RAB11FIP1: variants seen among roughly 807,000 people sequenced by gnomAD.
The protein encoded by RAB11FIP1 is RAB11 family interacting protein 1.
In RAB11FIP1, 49 loss-of-function variants were observed where a neutral mutation model predicts 83.1. The ratio of observed to expected loss-of-function variants is 0.59; its 90% confidence interval spans 0.47 to 0.75. The LOEUF (loss-of-function observed/expected upper bound fraction) is 0.75. RAB11FIP1 is among the 30% of genes least tolerant of loss of function. RAB11FIP1 has a pLI of 0.00. For synonymous variants in RAB11FIP1, 670 were observed against 656.0 expected (o/e 1.02, Z -0.33); for missense variants, 1,536 against 1,598.7 (o/e 0.96, Z 0.67).
In RAB11FIP1 at chr8:37,863,009, G is replaced by A; in HGVS notation, c.3738C>T (p.Phe1246=). 1.2e-6 allele frequency: 2 copies of A among 1,613,778 alleles called. No homozygotes were observed. The highest frequency in any genetic ancestry group is 1.7e-6 in the Non-Finnish European group (2 of 1,180,018). Reference sequence around the variant, plus strand: ...TGTAGTCTTCCAGCTCGCGGACCTGGAACTCCTTCTTGCTTATCGTTTCCT... The same window carrying A: ...TGTAGTCTTCCAGCTCGCGGACCTGAAACTCCTTCTTGCTTATCGTTTCCT... ...KQKETISKKE[F]QVRELEDYID... Residue 1246 remains phenylalanine (F), a synonymous_variant, in exon 6 of 6, where the codon TTC becomes TTT. Coordinates refer to ENST00000330843, the MANE Select transcript of RAB11FIP1 (RefSeq NM_001002814.3).
At chr8:37,890,257 C>T (rs1014370589) in intron 1 of RAB11FIP1, among the ~76,000 whole-genome samples, 6 of 152,170 alleles carry the variant, frequency 3.9e-5, no homozygotes, top group Non-Finnish European at 1.5e-5. Flanking sequence ...TTTATAATAA[C>T]CAGAGGCCTC....
Position 37,862,577 on chromosome 8 carries a change from A to G in RAB11FIP1, c.*318T>C. 4.2e-6 allele frequency: 1 copy of G among 237,728 alleles called. No homozygotes were observed. Among genetic ancestry groups the G allele is most frequent in the South Asian group, 7.9e-5 (1 of 12,622 alleles). 14.7% of individuals were successfully genotyped at this position (237,728 alleles called of 1,614,324 possible). On this transcript the variant is annotated 3_prime_UTR_variant, in exon 6 of 6. Coordinates refer to ENST00000330843, the MANE Select transcript of RAB11FIP1 (RefSeq NM_001002814.3). ...AAAGAAAACCCCAGTGTTAAAATAC[A>G]TGAATACTTCCTGTGCCATCTGAAT...
Position 37,870,419 on chromosome 8 carries a change from C to A in RAB11FIP1, c.3633+1G>T. On this transcript the variant is annotated splice_donor_variant, in intron 5 of 5. Coordinates refer to ENST00000330843, the MANE Select transcript of RAB11FIP1 (RefSeq NM_001002814.3). LOFTEE classifies it high-confidence loss of function. Reference sequence around the variant, plus strand: ...ACACACCAGCTTCTCAGAGGACATACCTTCATCATGACCTCATTGTTCAAG... The same window carrying A: ...ACACACCAGCTTCTCAGAGGACATAACTTCATCATGACCTCATTGTTCAAG... 6.4e-7 allele frequency: 1 copy of A among 1,565,538 alleles called. No homozygotes were observed. Among genetic ancestry groups the A allele is most frequent in the Non-Finnish European group, 8.8e-7 (1 of 1,136,012 alleles).
At chr8:37,877,062 T>C (rs775261056) in intron 2 of RAB11FIP1, 47 bp downstream of exon 2, 7 of 1,325,430 alleles carry the variant, frequency 5.3e-6, no homozygotes, top group South Asian at 1.3e-5. Context: ...GAACGAAGCA[T>C]GGTAAGAGGA....
In RAB11FIP1 at chr8:37,861,574, G is replaced by T. The variant is rs1318203610; in HGVS notation, c.*1321C>A. The T allele has an allele frequency of 2.3e-6, 1 of 443,704 alleles. No individual in the cohort carries two copies. Among genetic ancestry groups the T allele is most frequent in the African/African-American group, 2.1e-5 (1 of 48,440 alleles). The allele number at this position is 443,704 out of a possible 1,614,324, so 27.5% of individuals were successfully genotyped here. On this transcript the variant is annotated 3_prime_UTR_variant, in exon 6 of 6. Coordinates refer to ENST00000330843, the MANE Select transcript of RAB11FIP1 (RefSeq NM_001002814.3). Reference sequence around the variant, plus strand: ...TTTCTTTTTAGTTTTTTTTAAGACAGAGTCTTAAAAAAATTGCCCAGGCTC... The same window carrying T: ...TTTCTTTTTAGTTTTTTTTAAGACATAGTCTTAAAAAAATTGCCCAGGCTC...
chr8:37,874,263 C>A (rs1238899530), intron 3 of RAB11FIP1, among the ~76,000 whole-genome samples: 1 of 152,234 alleles, frequency 6.6e-6, no homozygotes, highest in Non-Finnish European at 1.5e-5. Context: ...CCACTGAGAT[C>A]TGATAAGCTG....
chr8:37,896,141 C>A (rs1416068569), intron 1 of RAB11FIP1, among the ~76,000 whole-genome samples: 1 of 152,020 alleles, frequency 6.6e-6, no homozygotes, highest in African/African-American at 2.4e-5. Flanking sequence ...GAAACCCCAT[C>A]TCTACTAAAA....
chr8:37,877,071 G>A, intron 2 of RAB11FIP1, 38 bp downstream of exon 2: 2 of 1,440,672 alleles, frequency 1.4e-6, no homozygotes, highest in East Asian at 2.3e-5. Flanking sequence ...ATGGTAAGAG[G>A]AAGAAGAGAG....
At chr8:37,895,008 T>G (rs1009021782) in intron 1 of RAB11FIP1, among the ~76,000 whole-genome samples, 2 of 147,778 alleles carry the variant, frequency 1.4e-5, no homozygotes, top group Admixed American at 6.8e-5. Flanking sequence ...TCCACCCACC[T>G]TGGCCTCCTA....
At position 37,873,071 on chromosome 8, in the gene RAB11FIP1, G is replaced by A; in HGVS notation, c.1731C>T (p.Pro577=). The A allele has an allele frequency of 1.2e-6, 2 of 1,614,084 alleles. No homozygotes were observed. Among genetic ancestry groups the A allele is most frequent in the African/African-American group, 1.3e-5 (1 of 75,038 alleles). ...LPSSSGQASV[P]SELGHGADTQ... ...TGTCTGCACCATGTCCCAATTCAGA[G>A]GGGACAGATGCCTGGCCAGAGCTAG... Residue 577 remains proline (P), a synonymous_variant, in exon 4 of 6, where the codon CCC becomes CCT. Transcript: ENST00000330843.
chr8:37,877,272 G>C lies in RAB11FIP1; in HGVS notation c.651C>G (p.Ile217Met). 6.2e-7 allele frequency: 1 copy of C among 1,614,164 alleles called. No homozygotes were observed. The highest frequency in any genetic ancestry group is 8.5e-7 in the Non-Finnish European group (1 of 1,180,028). The change falls in exon 2 of 6, where the codon ATC becomes ATG. Residue 217 changes from isoleucine (I) to methionine (M), a missense_variant. Ile to Met is a conservative substitution (Grantham distance 10). Coordinates refer to ENST00000330843, the MANE Select transcript of RAB11FIP1 (RefSeq NM_001002814.3). ...AATTTGACTTGGAAAGTAAGGTCTT[G>C]ATCTTTGATTTCTTTTTCTTGTCTT... ...VVKDKKKKSK[I>M]KTLLSKSNLQ... is the part of the protein sequence containing the mutation.
chr8:37,877,708 ATTTTTTTTTTTTTT>A (rs59670170), intron 1 of RAB11FIP1, 157 bp from the exon 2 acceptor site: 157 of 211,114 alleles, frequency 7.4e-4, no homozygotes, highest in South Asian at 3.0e-3. Context: ...TGAGAGCAGA[ATTTTTTTTTTTTTT>A]TTTTTTTTTT....
chr8:37,872,036 C>T lies in RAB11FIP1; in HGVS notation c.2766G>A (p.Gln922=). The change falls in exon 4 of 6, where the codon CAG becomes CAA. Residue 922 remains glutamine, a synonymous_variant. Transcript: ENST00000330843. ...CGTGGTCACTGGCTTTGCTCTGATACTGAGTCACAAGGGCATCCTCTCCCT... is the reference window on the plus strand; with the variant it reads ...CGTGGTCACTGGCTTTGCTCTGATATTGAGTCACAAGGGCATCCTCTCCCT... ...RMEGEDALVT[Q]YQSKASDHEG... 1.2e-6 allele frequency: 2 copies of T among 1,614,114 alleles called. No homozygotes were observed. The highest frequency in any genetic ancestry group is 2.2e-5 in the South Asian group (2 of 91,084).
In RAB11FIP1 at chr8:37,874,803, T is replaced by A; in HGVS notation, c.1334A>T (p.Asp445Val). The part of the protein sequence containing the change: ...SLLSLMTGKK[D>V]VAKGSEGENP... ...TTCACCTTCACTGCCCTTAGCCACA[T>A]CCTTCTTCCCCGTCATCAGAGACAG... The change falls in exon 3 of 6, where the codon GAT (aspartate) becomes GTT (valine). Residue 445 changes from aspartate (D) to valine (V), a missense_variant. By Grantham distance (152) the Asp-to-Val change is radical. Transcript: ENST00000330843. 1.2e-6 allele frequency: 2 copies of A among 1,614,120 alleles called. No individual in the cohort carries two copies. The highest frequency in any genetic ancestry group is 1.7e-6 in the Non-Finnish European group (2 of 1,180,012).
At chr8:37,878,703 A>AAT (rs1449827264) in intron 1 of RAB11FIP1, among the ~76,000 whole-genome samples, 19 of 151,270 alleles carry the variant, frequency 1.3e-4, no homozygotes, top group Admixed American at 3.3e-4. Flanking sequence ...AAAAAAAAAA[A>AAT]AAAAGTGGGG....
intron 1 of RAB11FIP1, 133 bp downstream of exon 1, chr8:37,898,938 G>T: frequency 1.0e-6 from 1 of 960,504 alleles, no homozygotes; most frequent in Non-Finnish European, 1.4e-6. Flanking sequence ...CACCAGCACC[G>T]GCCGAGGGCT....
intron 1 of RAB11FIP1, among the ~76,000 whole-genome samples, chr8:37,882,168 G>T (rs912216793): frequency 6.6e-6 from 1 of 152,248 alleles, no homozygotes; most frequent in Non-Finnish European, 1.5e-5. Flanking sequence ...AGCCCTCCAC[G>T]GGGATGCACA....
intron 1 of RAB11FIP1, among the ~76,000 whole-genome samples, chr8:37,889,346 A>G (rs1311042051): frequency 6.6e-6 from 1 of 152,242 alleles, no homozygotes; most frequent in Non-Finnish European, 1.5e-5. Context: ...TAGAAAAATT[A>G]ACTCATTTTT....
chr8:37,894,565 A>G (rs556873200), intron 1 of RAB11FIP1, among the ~76,000 whole-genome samples: 4 of 152,136 alleles, frequency 2.6e-5, no homozygotes, highest in African/African-American at 9.6e-5. Flanking sequence ...CATGGTGTTT[A>G]GTTACACAAC....
Sources: gnomAD v4.1 joint callset for allele counts (sites outside exome capture counted in the v4.1 genomes callset) on GRCh38, gnomAD v4.1.1 for gene constraint, MANE v1.5 for transcripts, NCBI Gene and HGNC (gene_info 2026-07-23, HGNC 2026-07-21) for gene names.